The following LHFPL2 variants were observed in gnomAD, a reference collection of about 807,000 sequenced individuals.
LHFPL2 encodes the protein LHFPL tetraspan subfamily member 2 protein.
In LHFPL2, 7 loss-of-function variants were observed where a neutral mutation model predicts 17.5. That is an observed-to-expected ratio of 0.40 (90% CI 0.23 to 0.75). The LOEUF is 0.75. LHFPL2 is among the 30% of genes least tolerant of loss of function. The pLI is 0.37. For missense variants in LHFPL2, 241 were observed against 294.8 expected (o/e 0.82, Z 1.34); for synonymous variants, 134 against 116.2 (o/e 1.15, Z -0.99).
At chr5:78,493,101 T>A (rs1459242001) in intron 4 of LHFPL2, among the ~76,000 whole-genome samples, 1 of 152,242 alleles carries the variant, frequency 6.6e-6, no homozygotes, top group African/African-American at 2.4e-5. Context: ...ATAAATTTTT[T>A]TAAAAAATCT....
At chr5:78,598,991 G>T (rs1307993290) in intron 2 of LHFPL2, among the ~76,000 whole-genome samples, 2 of 152,102 alleles carry the variant, frequency 1.3e-5, no homozygotes, top group Non-Finnish European at 2.9e-5. Flanking sequence ...GGTAATTTCA[G>T]TAACAGCCTT....
At chr5:78,529,276 G>A (rs904956238) in intron 3 of LHFPL2, among the ~76,000 whole-genome samples, 3 of 152,122 alleles carry the variant, frequency 2.0e-5, no homozygotes, top group African/African-American at 7.2e-5. Context: ...ACAGAGTGAG[G>A]ACCTATTTCT....
intron 2 of LHFPL2, among the ~76,000 whole-genome samples, chr5:78,631,004 C>G (rs111731859): frequency 6.6e-6 from 1 of 152,074 alleles, no homozygotes; most frequent in Non-Finnish European, 1.5e-5. Flanking sequence ...CGGGATAATG[C>G]GAGATCAACT....
chr5:78,548,449 G>A (rs186021819), intron 3 of LHFPL2, among the ~76,000 whole-genome samples: 8 of 152,306 alleles, frequency 5.3e-5, no homozygotes, highest in Admixed American at 2.0e-4. Context: ...TGTGACATCT[G>A]CTAATCAGAT....
chr5:78,570,491 T>C (rs1344681962), intron 2 of LHFPL2, among the ~76,000 whole-genome samples: 1 of 151,996 alleles, frequency 6.6e-6, no homozygotes, highest in Non-Finnish European at 1.5e-5. Flanking sequence ...CCTTCTATTG[T>C]AGGGTAGCCC....
intron 3 of LHFPL2, among the ~76,000 whole-genome samples, chr5:78,544,796 G>GA (rs1027383742): frequency 4.1e-5 from 6 of 148,018 alleles, no homozygotes; most frequent in Admixed American, 6.6e-5. Context: ...CCCCAAAACA[G>GA]AAAAAAAAAT....
chr5:78,647,712 T>C (rs1211470758), intron 1 of LHFPL2, among the ~76,000 whole-genome samples: 1 of 151,916 alleles, frequency 6.6e-6, no homozygotes, highest in Non-Finnish European at 1.5e-5. Context: ...AACAAGCACA[T>C]GGACTTTCAT....
Position 78,507,633 on chromosome 5 carries a change from T to C in LHFPL2, c.430+2151A>G, listed in dbSNP as rs115180524. Among the ~76,000 whole-genome samples, 565 of 152,168 alleles carry C rather than the reference T, an allele frequency of 3.7e-3. 6 individuals are homozygous for C. Among genetic ancestry groups the C allele is most frequent in the African/African-American group, 0.013 (545 of 41,496 alleles). The stretch of plus-strand genomic sequence containing the variant: ...ACCCCTTCCAGTAAATGGCCACTGG[T>C]TTGCTCGAAGGTAGTTAGATCACCA... On this transcript the variant is annotated intron_variant, in intron 4 of 4. Transcript: ENST00000380345.
At chr5:78,565,686 C>T (rs539793992) in intron 2 of LHFPL2, among the ~76,000 whole-genome samples, 1 of 152,272 alleles carries the variant, frequency 6.6e-6, no homozygotes, top group African/African-American at 2.4e-5. Flanking sequence ...GACAAAGATA[C>T]CCATTAACAG....
At chr5:78,506,762 G>T (rs1754943280) in intron 4 of LHFPL2, among the ~76,000 whole-genome samples, 1 of 152,202 alleles carries the variant, frequency 6.6e-6, no homozygotes. Context: ...AAGGAGAAAA[G>T]AAACCAGTTC....
chr5:78,587,387 C>T (rs1743453986), intron 2 of LHFPL2, among the ~76,000 whole-genome samples: 1 of 152,136 alleles, frequency 6.6e-6, no homozygotes, highest in African/African-American at 2.4e-5. Context: ...GTCTGCAGGC[C>T]ACGAAGAAAT....
At chr5:78,623,327 T>G (rs1224203221) in intron 2 of LHFPL2, among the ~76,000 whole-genome samples, 1 of 152,248 alleles carries the variant, frequency 6.6e-6, no homozygotes, top group Non-Finnish European at 1.5e-5. Flanking sequence ...TTTCATTTTA[T>G]AGCAAGTTGA....
chr5:78,486,265 G>A lies in LHFPL2; in HGVS notation c.*2632C>T, dbSNP rs1419965789. ...GTTTAAAGAATCCACAGAATCCAAG[G>A]CAAATATTTCTGCCTCAGAGTTCAT... On this transcript the variant is annotated 3_prime_UTR_variant, in exon 5 of 5. Transcript: ENST00000380345. 6.6e-6 allele frequency: 1 copy of A among 152,390 alleles called. No individual in the cohort carries two copies. The highest frequency in any genetic ancestry group is 1.9e-4 in the East Asian group (1 of 5,202). The allele number at this position is 152,390 out of a possible 1,614,324, so 9.4% of individuals were successfully genotyped here.
intron 4 of LHFPL2, among the ~76,000 whole-genome samples, chr5:78,493,597 G>C (rs1754516780): frequency 6.6e-6 from 1 of 152,186 alleles, no homozygotes; most frequent in Non-Finnish European, 1.5e-5. Flanking sequence ...AGTGCAGTTT[G>C]CTTTGTAATA....
chr5:78,580,770 T>A (rs1341808852), intron 2 of LHFPL2, among the ~76,000 whole-genome samples: 8 of 152,088 alleles, frequency 5.3e-5, no homozygotes, highest in Admixed American at 5.2e-4. Context: ...TAGTTTGAAG[T>A]CAGGTAGTGT....
intron 2 of LHFPL2, among the ~76,000 whole-genome samples, chr5:78,569,181 G>T (rs1040613563): frequency 1.3e-5 from 2 of 152,128 alleles, no homozygotes; most frequent in African/African-American, 4.8e-5. Flanking sequence ...ACCAAAGCAA[G>T]ATTAGCTAAA....
rs770310792 is a variant in LHFPL2, at chr5:78,488,676, A to G, written c.*221T>C. On this transcript the variant is annotated 3_prime_UTR_variant, in exon 5 of 5. Transcript: ENST00000380345. ...TTGGCAACTCCAGGTCTAGGATTATATACTATTTTCATGTTCCATTCCTTA... is the reference window on the plus strand; with the variant it reads ...TTGGCAACTCCAGGTCTAGGATTATGTACTATTTTCATGTTCCATTCCTTA... 1.8e-5 allele frequency: 10 copies of G among 567,726 alleles called. No homozygotes were observed. Among genetic ancestry groups the G allele is most frequent in the Non-Finnish European group, 3.1e-5 (10 of 317,862 alleles). 35.2% of individuals were successfully genotyped at this position (567,726 alleles called of 1,614,324 possible). A position where few individuals can be genotyped will look rare whatever the true frequency, so the allele number is the denominator to read the frequency against.
intron 2 of LHFPL2, among the ~76,000 whole-genome samples, chr5:78,580,982 T>C (rs374553487): frequency 1.3e-5 from 2 of 152,248 alleles, no homozygotes; most frequent in East Asian, 1.9e-4. Context: ...CCCGTGAGCA[T>C]AGAATGTTCT....
At chr5:78,614,154 C>T (rs189749797) in intron 2 of LHFPL2, among the ~76,000 whole-genome samples, 1 of 152,242 alleles carries the variant, frequency 6.6e-6, no homozygotes, top group Non-Finnish European at 1.5e-5. Flanking sequence ...TTTTAAAAAG[C>T]TTCATGGGTG....
Sources: gnomAD v4.1 joint callset for allele counts (sites outside exome capture counted in the v4.1 genomes callset) on GRCh38, gnomAD v4.1.1 for gene constraint, MANE v1.5 for transcripts, NCBI Gene and HGNC (gene_info 2026-07-23, HGNC 2026-07-21) for gene names.